Variants in MYH14 observed in about 807,000 individuals in gnomAD.
The protein encoded by MYH14 is myosin heavy chain 14.
MYH14 carries 123 observed loss-of-function variants against 255.5 expected under a neutral mutation model. The ratio of observed to expected loss-of-function variants is 0.48; its 90% CI spans 0.42 to 0.56. The LOEUF is 0.56. MYH14 is among the 20% of genes least tolerant of loss of function. The pLI, the probability that MYH14 is intolerant of heterozygous loss-of-function variation, is 0.00. For missense variants in MYH14, 2,423 were observed against 2,802.3 expected (o/e 0.86, Z 3.06); for synonymous variants, 1,095 against 1,161.2 (o/e 0.94, Z 1.16).
rs113332156 is a variant in MYH14, at chr19:50,230,257, AAGAG to A, written c.875-253_875-250del. ...GACAGAGCAAGACCCTGTCTCTAAA[AAGAG>A]AGAGAGAGAGAGAGGAAGGTCTCCT... On this transcript the variant is annotated intron_variant, in intron 8 of 42. Coordinates refer to ENST00000642316, the MANE Select transcript of MYH14 (RefSeq NM_001145809.2). This position sits in a 1 kb window ranked among gnomAD's most constrained non-coding sequence, Gnocchi z 4.7. Among the ~76,000 whole-genome samples the A allele has an allele frequency of 4.0e-5, 6 of 151,248 alleles. No homozygotes were observed. Among genetic ancestry groups the A allele is most frequent in the Non-Finnish European group, 7.4e-5 (5 of 67,738 alleles).
At chr19:50,253,555 C>A (rs2034480327) in intron 16 of MYH14, among the ~76,000 whole-genome samples, 2 of 151,990 alleles carry the variant, frequency 1.3e-5, no homozygotes, top group Non-Finnish European at 2.9e-5. Context: ...TGTTTTCTTA[C>A]AAAGTTCCCT....
At position 50,238,329 on chromosome 19, in the gene MYH14, T is replaced by C. The variant is rs181866104; in HGVS notation, c.1115-5913T>C. Among the ~76,000 whole-genome samples the C allele has an allele frequency of 4.4e-3, 666 of 152,330 alleles. 7 individuals carry two copies. Among genetic ancestry groups the C allele is most frequent in the African/African-American group, 0.015 (617 of 41,580 alleles). ...CTGCAAGAGGCCATTTTAAAGGCCA[T>C]TGATGGAAGCCAGGTCTGGACGGGG... On this transcript the variant is annotated intron_variant, in intron 10 of 42. Coordinates refer to ENST00000642316, the MANE Select transcript of MYH14 (RefSeq NM_001145809.2).
chr19:50,275,390 G>A (rs1405532979), intron 27 of MYH14, among the ~76,000 whole-genome samples: 3 of 152,182 alleles, frequency 2.0e-5, no homozygotes, highest in African/African-American at 4.8e-5. Flanking sequence ...CTTTCTCCAC[G>A]CTAGACCTCA....
intron 16 of MYH14, among the ~76,000 whole-genome samples, chr19:50,253,501 G>A (rs182679734): frequency 1.3e-5 from 2 of 151,860 alleles, no homozygotes; most frequent in East Asian, 1.9e-4. Context: ...AACACAGAAT[G>A]ATGATCTTTT....
At chr19:50,231,027 C>T in intron 9 of MYH14, 1 of 253,826 alleles carries the variant, frequency 3.9e-6, no homozygotes, top group Non-Finnish European at 7.8e-6. Flanking sequence ...GCTCGTGCTG[C>T]CTCGTGCTCC....
Position 50,272,730 on chromosome 19 carries a change from AG to A in MYH14, c.3467+1del. 6.5e-7 allele frequency: 1 copy of A among 1,550,018 alleles called. No homozygotes were observed. Among genetic ancestry groups the A allele is most frequent in the Admixed American group, 2.0e-5 (1 of 51,048 alleles). ...GGAGGAGCTGCAGGCTGCCCTGGCC[AG>A]GTGCAGGGTGGGGTGGGCTTGGTGG... ...KEEELQAALA[R>X]AEDEGGARAQ... On this transcript the variant is annotated frameshift_variant and splice_region_variant, in exon 27 of 43. Transcript: ENST00000642316.
intron 30 of MYH14, 100 bp downstream of exon 30, chr19:50,278,389 C>T (rs2035589302): frequency 7.1e-6 from 6 of 848,238 alleles, no homozygotes; most frequent in Non-Finnish European, 1.0e-5. Flanking sequence ...CCAATTGTCT[C>T]GTTTGGCTCT....
chr19:50,277,045 T>A, intron 29 of MYH14, 144 bp downstream of exon 29: 1 of 644,724 alleles, frequency 1.6e-6, no homozygotes, highest in Admixed American at 2.8e-5. Context: ...CATCTTTCAT[T>A]CAGCAAGCAT....
At chr19:50,240,825 A>C (rs1023789695) in intron 10 of MYH14, among the ~76,000 whole-genome samples, 1 of 151,934 alleles carries the variant, frequency 6.6e-6, no homozygotes, top group East Asian at 1.9e-4. Flanking sequence ...AAACAAAAAA[A>C]CCCAAAAAAA....
At position 50,223,134 on chromosome 19, in the gene MYH14, TG is replaced by T. The variant is rs779070172; in HGVS notation, c.590+26del. The T allele has an allele frequency of 5.6e-6, 9 of 1,613,402 alleles. No individual in the cohort carries two copies. In the Middle Eastern group the frequency reaches 6.6e-4, roughly 118 times the overall value. On this transcript the variant is annotated intron_variant, in intron 4 of 42. Coordinates refer to ENST00000642316, the MANE Select transcript of MYH14 (RefSeq NM_001145809.2). Reference sequence around the variant, plus strand: ...ACGTGAGTAATCTGGAAGGACTTCCTGGAGGAGGAGAGGTCTGGGTGGGGCG... The same window carrying T: ...ACGTGAGTAATCTGGAAGGACTTCCTGAGGAGGAGAGGTCTGGGTGGGGCG...
At chr19:50,291,096 A>G in intron 36 of MYH14, 48 bp downstream of exon 36, 5 of 1,588,052 alleles carry the variant, frequency 3.1e-6, no homozygotes, top group Non-Finnish European at 3.4e-6. Flanking sequence ...GGTGTCTTCA[A>G]GCCCCAACCA....
chr19:50,254,657 C>T (rs2034526194), intron 16 of MYH14, among the ~76,000 whole-genome samples: 1 of 152,158 alleles, frequency 6.6e-6, no homozygotes. Flanking sequence ...CTAAACAAAG[C>T]TAGTCACAAG....
Position 50,276,271 on chromosome 19 carries a change from C to T in MYH14, c.3680+68C>T, listed in dbSNP as rs2035506041. 1.6e-6 allele frequency: 2 copies of T among 1,219,752 alleles called. No homozygotes were observed. The highest frequency in any genetic ancestry group is 3.0e-5 in the South Asian group (2 of 66,154). The allele number at this position is 1,219,752 out of a possible 1,614,324, so 75.6% of individuals were successfully genotyped here. A position where few individuals can be genotyped will look rare whatever the true frequency, so the allele number is the denominator to read the frequency against. On this transcript the variant is annotated intron_variant, in intron 28 of 42. Coordinates refer to ENST00000642316, the MANE Select transcript of MYH14 (RefSeq NM_001145809.2). The surrounding 1 kb of genome is among the most constrained non-coding windows in gnomAD (Gnocchi z 4.3). ...CAGGGCTGGGGGAAGGACTTAGGTA[C>T]AAAGTCTCTGTCTATACAGAGGCTT...
chr19:50,292,227 G>A lies in MYH14; in HGVS notation c.5128-34G>A, dbSNP rs746014939. On this transcript the variant is annotated intron_variant, in intron 36 of 42. Coordinates refer to ENST00000642316, the MANE Select transcript of MYH14 (RefSeq NM_001145809.2). ...AGGAGTTCCCTGTGCTGTGTGGCCA[G>A]GCTGAGCCCATCTACCTATTCCGTT... The A allele has an allele frequency of 4.5e-6, 7 of 1,571,108 alleles. No homozygotes were observed. The South Asian group carries it at 8.3e-5, about 19-fold the overall frequency.
At chr19:50,235,091 G>A (rs962653950) in intron 10 of MYH14, among the ~76,000 whole-genome samples, 1 of 152,196 alleles carries the variant, frequency 6.6e-6, no homozygotes, top group Non-Finnish European at 1.5e-5. Flanking sequence ...AAAAGTTCCG[G>A]CCAAGTGCAG....
chr19:50,223,241 C>G lies in MYH14; in HGVS notation c.591-6C>G, dbSNP rs1313005275. The G allele has an allele frequency of 3.7e-6, 6 of 1,613,374 alleles. No individual in the cohort carries two copies. The highest frequency in any genetic ancestry group is 5.1e-6 in the Non-Finnish European group (6 of 1,179,530). ...ACCCCTTTGCTTCCCCTTGTCATCC[C>G]CACAGTGGAGAGTCTGGAGCTGGGA... On this transcript the variant is annotated splice_region_variant and splice_polypyrimidine_tract_variant and intron_variant, in intron 4 of 42. Transcript: ENST00000642316.
At position 50,226,944 on chromosome 19, in the gene MYH14, C is replaced by T. The variant is rs375516674; in HGVS notation, c.852C>T (p.Ile284=). The part of the protein sequence containing the change: ...IRINFDVAGY[I]VGANIETYLL... ...TCAACTTTGATGTTGCCGGGTACAT[C>T]GTGGGCGCCAACATTGAGACCTGTA... is the stretch of plus-strand genomic sequence containing the variant. Residue 284 remains isoleucine (I), a synonymous_variant, in exon 8 of 43, where the codon ATC becomes ATT. Coordinates refer to ENST00000642316, the MANE Select transcript of MYH14 (RefSeq NM_001145809.2). The T allele has an allele frequency of 7.6e-5, 123 of 1,613,638 alleles. No individual in the cohort carries two copies. The highest frequency in any genetic ancestry group is 9.6e-5 in the Non-Finnish European group (113 of 1,179,812).
At chr19:50,212,078 T>C (rs190715857) in intron 2 of MYH14, among the ~76,000 whole-genome samples, 86 of 152,286 alleles carry the variant, frequency 5.6e-4, no homozygotes, top group African/African-American at 1.9e-3. Flanking sequence ...GTGCTAAGCA[T>C]TGGAGGTTCG....
chr19:50,207,237 AAGAGAG>A (rs148755965), intron 1 of MYH14, among the ~76,000 whole-genome samples: 4 of 95,204 alleles, frequency 4.2e-5, no homozygotes, highest in African/African-American at 8.2e-5. Flanking sequence ...TCTAAGAAAA[AAGAGAG>A]AGAGAGAGAG....
Sources: allele counts gnomAD v4.1 joint callset (sites outside exome capture counted in the v4.1 genomes callset), GRCh38; gene constraint gnomAD v4.1.1; non-coding constraint Gnocchi (gnomAD v3.1); transcripts MANE v1.5; gene names NCBI Gene and HGNC (gene_info 2026-07-23, HGNC 2026-07-21).